The following JMJD1C variants were observed in gnomAD, a reference collection of about 807,000 sequenced individuals.
The protein encoded by JMJD1C is jumonji domain-containing protein 1C.
JMJD1C carries 31 observed loss-of-function variants against 245.3 expected under a neutral mutation model. That is an observed-to-expected ratio of 0.13 (90% confidence interval 0.09 to 0.17). The LOEUF is 0.17. JMJD1C is among the 10% of genes least tolerant of loss of function. JMJD1C has a pLI of 1.00. For synonymous variants in JMJD1C, 1,057 were observed against 1,017.4 expected (o/e 1.04, Z -0.74); for missense variants, 2,691 against 3,000.2 (o/e 0.90, Z 2.41).
intron 1 of JMJD1C, among the ~76,000 whole-genome samples, chr10:63,475,886 A>G (rs1953645076): frequency 6.6e-6 from 1 of 152,152 alleles, no homozygotes; most frequent in South Asian, 2.1e-4. Flanking sequence ...ATCAATCCCC[A>G]TCTTAAGTAC....
intron 1 of JMJD1C, among the ~76,000 whole-genome samples, chr10:63,424,259 G>A (rs943022816): frequency 4.1e-5 from 6 of 146,988 alleles, no homozygotes; most frequent in African/African-American, 1.5e-4. Flanking sequence ...TAGAGACAGT[G>A]TCTCGCCATA....
chr10:63,410,187 G>A (rs905726426), intron 1 of JMJD1C, among the ~76,000 whole-genome samples: 1 of 152,012 alleles, frequency 6.6e-6, no homozygotes, highest in Non-Finnish European at 1.5e-5. Flanking sequence ...ATTTATAAAT[G>A]ACCCCACAAT....
rs1449514493 is a variant in JMJD1C, at chr10:63,355,037, CAAAT to C, written c.333+25277_333+25280del. Among the ~76,000 whole-genome samples, 6 of 151,038 alleles carry C rather than the reference CAAAT, an allele frequency of 4.0e-5. No individual in the cohort carries two copies. In the East Asian group the frequency reaches 7.8e-4, roughly 20 times the overall value. On this transcript the variant is annotated intron_variant, in intron 2 of 25. Coordinates refer to ENST00000399262, the MANE Select transcript of JMJD1C (RefSeq NM_032776.3). Reference sequence around the variant, plus strand: ...CATCCTGTGTCAGGAAAAGAATAAACAAATAAATAAAGATGGCTTTCAGCACAAT... The same window carrying C: ...CATCCTGTGTCAGGAAAAGAATAAACAAATAAAGATGGCTTTCAGCACAAT...
intron 2 of JMJD1C, among the ~76,000 whole-genome samples, chr10:63,312,552 A>G (rs1185066104): frequency 1.3e-5 from 2 of 152,226 alleles, no homozygotes; most frequent in African/African-American, 4.8e-5. Context: ...GGAAATCTAA[A>G]TAAAAATAAT....
At chr10:63,278,190 AG>A (rs1226993852) in intron 2 of JMJD1C, among the ~76,000 whole-genome samples, 3 of 152,012 alleles carry the variant, frequency 2.0e-5, no homozygotes, top group East Asian at 3.9e-4. Flanking sequence ...TGGGTTAAAG[AG>A]TACTGATTAA....
At chr10:63,401,419 G>C (rs1490149847) in intron 1 of JMJD1C, among the ~76,000 whole-genome samples, 1 of 151,948 alleles carries the variant, frequency 6.6e-6, no homozygotes, top group Non-Finnish European at 1.5e-5. Flanking sequence ...TGTACTTTTT[G>C]TTTTTGCTTG....
intron 2 of JMJD1C, among the ~76,000 whole-genome samples, chr10:63,294,006 A>C (rs1859089280): frequency 6.6e-6 from 1 of 152,094 alleles, no homozygotes; most frequent in Non-Finnish European, 1.5e-5. Flanking sequence ...CTTGCATTTA[A>C]TCTAACTCTT....
intron 2 of JMJD1C, among the ~76,000 whole-genome samples, chr10:63,311,938 T>G (rs1410833528): frequency 6.6e-6 from 1 of 152,214 alleles, no homozygotes; most frequent in African/African-American, 2.4e-5. Context: ...TGCTTTCACT[T>G]AATTGTTTCT....
rs552875901 is a variant in JMJD1C at position 63,376,670 on chromosome 10, A to G, written c.333+3648T>C. ...TACAAATGGCCAAGAAGCACATGAA[A>G]AGATGCTCAACATCACATTAAGCAT... On this transcript the variant is annotated intron_variant, in intron 2 of 25. Coordinates refer to ENST00000399262, the MANE Select transcript of JMJD1C (RefSeq NM_032776.3). Among the ~76,000 whole-genome samples the G allele has an allele frequency of 3.9e-5, 6 of 152,346 alleles. No individual in the cohort carries two copies. The East Asian group carries it at 1.2e-3, about 29-fold the overall frequency.
Position 63,226,160 on chromosome 10 carries a change from C to T in JMJD1C, c.448-6177G>A, listed in dbSNP as rs368268983. ...AGCAAAGAACAACGGGTGGAAGATA[C>T]CTTTCTATAAACTTCTAACACTGGT... On this transcript the variant is annotated intron_variant, in intron 3 of 25. Coordinates refer to ENST00000399262, the MANE Select transcript of JMJD1C (RefSeq NM_032776.3). 8.5e-5 allele frequency among the ~76,000 whole-genome samples: 13 copies of T among 152,268 alleles called. No homozygotes were observed. In the South Asian group the frequency reaches 2.7e-3, roughly 32 times the overall value.
At chr10:63,232,630 T>C (rs1363482506) in intron 3 of JMJD1C, among the ~76,000 whole-genome samples, 1 of 152,108 alleles carries the variant, frequency 6.6e-6, no homozygotes, top group Non-Finnish European at 1.5e-5. Flanking sequence ...CCTTGGAACA[T>C]CCATTTGGCA....
At chr10:63,329,322 A>T (rs1272251600) in intron 2 of JMJD1C, among the ~76,000 whole-genome samples, 2 of 151,928 alleles carry the variant, frequency 1.3e-5, no homozygotes, top group African/African-American at 4.8e-5. Flanking sequence ...AAAGGAAATT[A>T]AAGACTAGCA....
At chr10:63,184,812 A>T in intron 20 of JMJD1C, 74 bp from the exon 21 acceptor site, 3 of 1,409,490 alleles carry the variant, frequency 2.1e-6, no homozygotes, top group Non-Finnish European at 2.9e-6. Flanking sequence ...TATAATTTTC[A>T]AGTTGTTCAA....
At chr10:63,396,607 C>A (rs1303240361) in intron 1 of JMJD1C, among the ~76,000 whole-genome samples, 1 of 152,074 alleles carries the variant, frequency 6.6e-6, no homozygotes, top group Non-Finnish European at 1.5e-5. Flanking sequence ...GAATAGTATT[C>A]CCTAAATGAA....
At chr10:63,181,162 G>C (rs982794784) in intron 22 of JMJD1C, among the ~76,000 whole-genome samples, 1 of 152,060 alleles carries the variant, frequency 6.6e-6, no homozygotes, top group African/African-American at 2.4e-5. Flanking sequence ...CACCGTGCCT[G>C]GCTTATCTTT....
rs186818106 is a variant in JMJD1C at position 63,510,969 on chromosome 10, G to C, written n.113+10769C>G. ...TATCCCTGATAACGTACAGTGCTCT[G>C]AAGTCTACTATTAATATAGCTACCC... On this transcript the variant is annotated intron_variant and non_coding_transcript_variant, in intron 1 of 3. Coordinates refer to the JMJD1C transcript ENST00000633035. Among the ~76,000 whole-genome samples the C allele has an allele frequency of 1.5e-3, 224 of 152,288 alleles. 2 individuals are homozygous for C. The highest frequency in any genetic ancestry group is 3.7e-4 in the Non-Finnish European group (25 of 68,034).
At chr10:63,288,930 ATAATAATC>A in intron 2 of JMJD1C, among the ~76,000 whole-genome samples, 1 of 111,764 alleles carries the variant, frequency 8.9e-6, no homozygotes, top group Non-Finnish European at 1.7e-5. Flanking sequence ...AATAATAATG[ATAATAATC>A]TGTATATTTT....
Position 63,189,326 on chromosome 10 carries a change from C to G in JMJD1C, c.6412G>C (p.Glu2138Gln). The change falls in exon 18 of 26, where the codon GAG (glutamate) becomes CAG (glutamine). Residue 2138 changes from glutamate (E) to glutamine (Q), a missense_variant. This residue lies in a region of JMJD1C where 275 missense variants were observed against 285.5 expected (regional missense o/e 0.96). Transcript: ENST00000399262. ...KINVKPELKE[E>Q]PEESIISAVD... ...GCAGATATTATGCTTTCTTCAGGCT[C>G]TTCTTTAAGCTCTGGTTTTACATTT... 1 of 1,613,858 alleles carries G rather than the reference C, an allele frequency of 6.2e-7. No homozygotes were observed. Among genetic ancestry groups the G allele is most frequent in the African/African-American group, 1.3e-5 (1 of 75,026 alleles).
chr10:63,317,828 C>T (rs977264808), intron 2 of JMJD1C, among the ~76,000 whole-genome samples: 17 of 152,184 alleles, frequency 1.1e-4, no homozygotes, highest in Non-Finnish European at 4.4e-5. Flanking sequence ...TCTATTGCTA[C>T]ATTAAAGGTC....
Sources: allele counts gnomAD v4.1 joint callset (sites outside exome capture counted in the v4.1 genomes callset), GRCh38; gene constraint gnomAD v4.1.1; regional missense constraint gnomAD v4.1.1; transcripts MANE v1.5; gene names NCBI Gene and HGNC (gene_info 2026-07-23, HGNC 2026-07-21).